The following CNRIP1 variants were observed in gnomAD, a reference collection of about 807,000 sequenced individuals.
The protein encoded by CNRIP1 is cannabinoid receptor interacting protein 1, also known as CB1 cannabinoid receptor-interacting protein 1.
A neutral mutation model predicts 15.2 loss-of-function variants in CNRIP1; 10 were observed. That is an observed-to-expected ratio of 0.66 (90% CI 0.41 to 1.12). The LOEUF is 1.12. Among genes scored for constraint, CNRIP1 ranks in the 50% most tolerant of loss-of-function variants. The pLI is 0.00. For missense variants in CNRIP1, 211 were observed against 214.7 expected, an observed-to-expected ratio of 0.98 and a Z score of 0.11; for synonymous variants, 91 against 83.2, an observed-to-expected ratio of 1.09 and a Z score of -0.51.
intron 2 of CNRIP1, among the ~76,000 whole-genome samples, chr2:68,301,740 A>C (rs1056066878): frequency 1.3e-5 from 2 of 151,958 alleles, no homozygotes; most frequent in Non-Finnish European, 2.9e-5. Context: ...AAATACAAAA[A>C]AATTGGCCCA....
At chr2:68,288,852 A>C (rs965146524), downstream of CNRIP1, among the ~76,000 whole-genome samples, 1 of 152,204 alleles carries the variant, frequency 6.6e-6, no homozygotes, top group Admixed American at 6.5e-5. Flanking sequence ...TTTTAAATGA[A>C]ATACATTTGT....
chr2:68,299,807 G>A (rs1246869318), intron 2 of CNRIP1, among the ~76,000 whole-genome samples: 1 of 152,190 alleles, frequency 6.6e-6, no homozygotes, highest in African/African-American at 2.4e-5. Context: ...TGAAGAGCTT[G>A]TTTTAAACAA....
chr2:68,305,408 T>C (rs1345146210), intron 2 of CNRIP1, among the ~76,000 whole-genome samples: 1 of 151,172 alleles, frequency 6.6e-6, no homozygotes, highest in Non-Finnish European at 1.5e-5. Context: ...GTAAATCCAA[T>C]CAATTAATTA....
Position 68,319,436 on chromosome 2 carries a change from G to A in CNRIP1, c.-36C>T, listed in dbSNP as rs763467538. The A allele has an allele frequency of 3.4e-6, 5 of 1,482,088 alleles. No homozygotes were observed. Among genetic ancestry groups the A allele is most frequent in the East Asian group, 2.5e-5 (1 of 39,678 alleles). The allele number at this position is 1,482,088 out of a possible 1,614,324, so 91.8% of individuals were successfully genotyped here. On this transcript the variant is annotated 5_prime_UTR_variant, in exon 1 of 3. Transcript: ENST00000263655. ...GGGTCTGGCGCGGCGGCTCCGGGGG[G>A]CGGAGGACAGCGCCGGCTGCGGCCG...
At chr2:68,288,660 C>G (rs995465126), downstream of CNRIP1, among the ~76,000 whole-genome samples, 3 of 152,134 alleles carry the variant, frequency 2.0e-5, no homozygotes, top group African/African-American at 7.2e-5. Context: ...GAACTATAGG[C>G]AAATGAGTTT....
chr2:68,284,331 G>T, exon 3 of CNRIP1: 1 of 681,862 alleles, frequency 1.5e-6, no homozygotes, highest in Non-Finnish European at 2.3e-6. Context: ...AATTCTGATG[G>T]CCTGTGAGAA....
intron 2 of CNRIP1, among the ~76,000 whole-genome samples, chr2:68,297,293 G>A (rs888887714): frequency 3.9e-5 from 6 of 152,088 alleles, no homozygotes; most frequent in Admixed American, 1.3e-4. Flanking sequence ...TAGGCTGGGC[G>A]CAGTGGCTCA....
intron 2 of CNRIP1, among the ~76,000 whole-genome samples, chr2:68,286,136 G>C (rs911155289): frequency 2.0e-4 from 31 of 152,252 alleles, no homozygotes; most frequent in Admixed American, 3.9e-4. Context: ...TAAACTCTCT[G>C]AGTGGAAGCC....
At chr2:68,307,733 G>T (rs1054376940) in intron 2 of CNRIP1, among the ~76,000 whole-genome samples, 1 of 152,104 alleles carries the variant, frequency 6.6e-6, no homozygotes, top group Non-Finnish European at 1.5e-5. Flanking sequence ...AACAAAAAGT[G>T]CTTTAATAAA....
At chr2:68,316,787 C>T (rs964263449) in intron 2 of CNRIP1, 6 of 460,240 alleles carry the variant, frequency 1.3e-5, no homozygotes, top group African/African-American at 1.2e-4. Context: ...AAGTGTCATT[C>T]AAATCAGCTT....
downstream of CNRIP1, among the ~76,000 whole-genome samples, chr2:68,288,460 A>G (rs1671086005): frequency 6.6e-6 from 1 of 152,200 alleles, no homozygotes; most frequent in Non-Finnish European, 1.5e-5. Flanking sequence ...ACCAGAGACT[A>G]GAATGCCTGT....
chr2:68,298,198 A>T (rs1671457578), intron 2 of CNRIP1, among the ~76,000 whole-genome samples: 1 of 152,200 alleles, frequency 6.6e-6, no homozygotes, highest in Non-Finnish European at 1.5e-5. Context: ...AGGATTTAGT[A>T]TTATTTTTGA....
chr2:68,305,263 T>TAC (rs1671781423), intron 2 of CNRIP1, among the ~76,000 whole-genome samples: 1 of 103,064 alleles, frequency 9.7e-6, no homozygotes, highest in Non-Finnish European at 2.0e-5. Flanking sequence ...AAAAAAAATA[T>TAC]ATATATATAT....
At chr2:68,288,067 G>GGCCAGCCAGCCAGCCAGCCAGCCAGCCA (rs70949693), downstream of CNRIP1, among the ~76,000 whole-genome samples, 8 of 149,758 alleles carry the variant, frequency 5.3e-5, no homozygotes, top group African/African-American at 1.7e-4. Flanking sequence ...GCAGCCGGCC[G>GGCCAGCCAGCCAGCCAGCCAGCCAGCCA]GCCAGCCAGC....
At position 68,319,259 on chromosome 2, in the gene CNRIP1, C is replaced by T; in HGVS notation, c.142G>A (p.Val48Ile). Residue 48 changes from valine (V) to isoleucine (I), a missense_variant, in exon 1 of 3, where the codon GTT becomes ATT. Physicochemically the swap from Val to Ile is conservative, Grantham distance 29. Transcript: ENST00000263655. ...IKLLTGSSYK[V>I]EVKIKPSTLQ... ...GTGCTGGGTTTAATCTTCACCTCAA[C>T]CTTGTAGGAGGAGCCGGTGAGCAGC... The T allele has an allele frequency of 6.5e-7, 1 of 1,550,102 alleles. No individual in the cohort carries two copies. Among genetic ancestry groups the T allele is most frequent in the Non-Finnish European group, 8.7e-7 (1 of 1,146,890 alleles).
intron 2 of CNRIP1, among the ~76,000 whole-genome samples, chr2:68,303,036 A>G (rs1031763482): frequency 2.6e-5 from 4 of 151,756 alleles, no homozygotes; most frequent in South Asian, 4.2e-4. Context: ...TTTAGTAGAG[A>G]CGGGGTTTCA....
chr2:68,289,040 A>C (rs1671098399), downstream of CNRIP1, among the ~76,000 whole-genome samples: 1 of 152,236 alleles, frequency 6.6e-6, no homozygotes. Context: ...CTTATTTTTG[A>C]ATCTCTGAGA....
intron 2 of CNRIP1, among the ~76,000 whole-genome samples, chr2:68,307,585 C>G (rs955068171): frequency 1.3e-5 from 2 of 152,164 alleles, no homozygotes; most frequent in Non-Finnish European, 2.9e-5. Context: ...CTTGTCCTCC[C>G]AAAGTGGTGG....
At chr2:68,307,450 T>A (rs2103667174) in intron 2 of CNRIP1, among the ~76,000 whole-genome samples, 1 of 152,236 alleles carries the variant, frequency 6.6e-6, no homozygotes, top group East Asian at 1.9e-4. Flanking sequence ...GTCTCTGGAG[T>A]AGCTGAGACT....
Sources: gnomAD v4.1 joint callset for allele counts (sites outside exome capture counted in the v4.1 genomes callset) on GRCh38, gnomAD v4.1.1 for gene constraint, MANE v1.5 for transcripts, NCBI Gene and HGNC (gene_info 2026-07-23, HGNC 2026-07-21) for gene names.